Variants in NALF1 observed in about 807,000 individuals in gnomAD.
NALF1 encodes the protein NALCN channel auxiliary factor 1.
A neutral mutation model predicts 48.4 loss-of-function variants in NALF1; 3 were observed. That is an observed-to-expected ratio of 0.06 (90% CI 0.03 to 0.16). The LOEUF is 0.16. Ranked by LOEUF, NALF1 falls within the 10% of genes least tolerant of loss-of-function variation. The pLI is 1.00. For synonymous variants in NALF1, 262 were observed against 245.7 expected (o/e 1.07, Z -0.62); for missense variants, 526 against 571.5 (o/e 0.92, Z 0.81).
intron 1 of NALF1, among the ~76,000 whole-genome samples, chr13:107,243,767 C>T (rs1045988038): frequency 6.6e-5 from 10 of 152,074 alleles, no homozygotes; most frequent in African/African-American, 2.4e-4. Context: ...CACATATGAG[C>T]AGAGCTGATG....
At chr13:107,538,824 T>A (rs1286056429) in intron 1 of NALF1, among the ~76,000 whole-genome samples, 8 of 152,142 alleles carry the variant, frequency 5.3e-5, no homozygotes, top group African/African-American at 1.7e-4. Context: ...TTATAATAGA[T>A]AATATTTATA....
intron 1 of NALF1, among the ~76,000 whole-genome samples, chr13:107,333,366 C>A (rs1882502925): frequency 6.6e-6 from 1 of 151,934 alleles, no homozygotes; most frequent in African/African-American, 2.4e-5. Context: ...GTAAAATCAC[C>A]AAAAAAAGCA....
At chr13:107,251,455 T>C (rs894573045) in intron 1 of NALF1, among the ~76,000 whole-genome samples, 2 of 152,178 alleles carry the variant, frequency 1.3e-5, no homozygotes, top group African/African-American at 4.8e-5. Flanking sequence ...TTGTGCTTTT[T>C]TTACAGCTGC....
At chr13:107,815,833 C>T (rs1291344109) in intron 1 of NALF1, among the ~76,000 whole-genome samples, 1 of 152,162 alleles carries the variant, frequency 6.6e-6, no homozygotes, top group Non-Finnish European at 1.5e-5. Context: ...CTGATATATA[C>T]TATAACATTG....
At chr13:107,280,165 A>G (rs911049879) in intron 1 of NALF1, among the ~76,000 whole-genome samples, 2 of 152,168 alleles carry the variant, frequency 1.3e-5, no homozygotes, top group African/African-American at 4.8e-5. Context: ...TCAATACTGT[A>G]CTTTTTATGT....
chr13:107,646,909 C>T (rs894999874), intron 1 of NALF1, among the ~76,000 whole-genome samples: 2 of 152,042 alleles, frequency 1.3e-5, no homozygotes, highest in Admixed American at 1.3e-4. Flanking sequence ...TTTGTATTTA[C>T]ATAATATTTT....
intron 1 of NALF1, among the ~76,000 whole-genome samples, chr13:107,744,241 T>A (rs1004207482): frequency 6.6e-6 from 1 of 152,190 alleles, no homozygotes; most frequent in African/African-American, 2.4e-5. Flanking sequence ...AGAATTTTCA[T>A]TTGCAAGAAA....
At chr13:107,573,177 C>T (rs1878037766) in intron 1 of NALF1, among the ~76,000 whole-genome samples, 1 of 152,162 alleles carries the variant, frequency 6.6e-6, no homozygotes, top group Admixed American at 6.5e-5. Context: ...CAGCCAAGAG[C>T]CCACAGAACT....
intron 1 of NALF1, among the ~76,000 whole-genome samples, chr13:107,612,645 C>T (rs2138433827): frequency 6.6e-6 from 1 of 152,214 alleles, no homozygotes; most frequent in Middle Eastern, 3.4e-3. Flanking sequence ...TGAGGTAGGA[C>T]ATTGCTCCTT....
At chr13:107,385,661 G>C (rs1883518326) in intron 1 of NALF1, among the ~76,000 whole-genome samples, 1 of 151,592 alleles carries the variant, frequency 6.6e-6, no homozygotes, top group South Asian at 2.1e-4. Flanking sequence ...TACACTGAAA[G>C]TTTCTTAAAA....
At chr13:107,772,442 C>A (rs16971091) in intron 1 of NALF1, among the ~76,000 whole-genome samples, 20,714 of 151,800 alleles carry the variant, frequency 0.14, 1,600 homozygotes, top group Admixed American at 0.23. Context: ...GTGAAAAAAA[C>A]AAAATCTTGT....
intron 1 of NALF1, among the ~76,000 whole-genome samples, chr13:107,329,529 T>C (rs930928411): frequency 1.3e-5 from 2 of 151,998 alleles, no homozygotes; most frequent in East Asian, 1.9e-4. Context: ...ACTTTAAGTT[T>C]TAGGGTACAT....
At position 107,695,066 on chromosome 13, in the gene NALF1, G is replaced by A. The variant is rs367831408; in HGVS notation, c.915+170616C>T. Among the ~76,000 whole-genome samples, 4 of 152,182 alleles carry A rather than the reference G, an allele frequency of 2.6e-5. No homozygotes were observed. The East Asian group carries it at 7.8e-4, about 29-fold the overall frequency. Reference sequence around the variant, plus strand: ...CCTTGGCCTCCCAACACGCTGGGATGATGGACGTGAACCACCACACCTGGC... The same window carrying A: ...CCTTGGCCTCCCAACACGCTGGGATAATGGACGTGAACCACCACACCTGGC... On this transcript the variant is annotated intron_variant, in intron 1 of 2. Transcript: ENST00000375915.
intron 1 of NALF1, among the ~76,000 whole-genome samples, chr13:107,724,212 C>G (rs1470983093): frequency 6.6e-6 from 1 of 151,950 alleles, no homozygotes; most frequent in Non-Finnish European, 1.5e-5. Flanking sequence ...CTTTTAAGAT[C>G]TGCTTTTGTC....
At chr13:107,221,813 T>C (rs1284940895) in intron 1 of NALF1, among the ~76,000 whole-genome samples, 1 of 152,114 alleles carries the variant, frequency 6.6e-6, no homozygotes, top group Non-Finnish European at 1.5e-5. Flanking sequence ...CATCAAACTG[T>C]GTTTTATTCT....
intron 1 of NALF1, among the ~76,000 whole-genome samples, chr13:107,349,672 C>A (rs1291923400): frequency 2.7e-5 from 4 of 147,150 alleles, no homozygotes; most frequent in African/African-American, 7.6e-5. Context: ...ACCTGGGAGG[C>A]AGAGATTTCA....
At chr13:107,857,622 C>T (rs1757122289) in intron 1 of NALF1, among the ~76,000 whole-genome samples, 1 of 152,152 alleles carries the variant, frequency 6.6e-6, no homozygotes, top group Admixed American at 6.5e-5. Flanking sequence ...GAAAAAAATT[C>T]CAGCCTTAGG....
chr13:107,648,455 C>T (rs1485596310), intron 1 of NALF1, among the ~76,000 whole-genome samples: 1 of 152,122 alleles, frequency 6.6e-6, no homozygotes, highest in Non-Finnish European at 1.5e-5. Context: ...TTCAGATTGG[C>T]TTCTTTCACT....
chr13:107,273,919 T>C (rs376534545), intron 1 of NALF1, among the ~76,000 whole-genome samples: 50 of 152,264 alleles, frequency 3.3e-4, no homozygotes, highest in African/African-American at 1.2e-3. Flanking sequence ...TCCCTGCAGC[T>C]TGCTGGGGAG....
Sources: allele counts gnomAD v4.1 joint callset (sites outside exome capture counted in the v4.1 genomes callset), GRCh38; gene constraint gnomAD v4.1.1; transcripts MANE v1.5; gene names NCBI Gene and HGNC (gene_info 2026-07-23, HGNC 2026-07-21).